SAP130: variants seen among roughly 807,000 people sequenced by gnomAD.
The protein encoded by SAP130 is histone deacetylase complex subunit SAP130.
A neutral mutation model predicts 103.2 loss-of-function variants in SAP130; 16 were observed. The ratio of observed to expected loss-of-function variants is 0.16; its 90% CI spans 0.10 to 0.24. The LOEUF (loss-of-function observed/expected upper bound fraction) is 0.24. Ranked by LOEUF, SAP130 falls within the 10% of genes least tolerant of loss-of-function variation. The pLI, the probability that SAP130 is intolerant of heterozygous loss-of-function variation, is 1.00. For synonymous variants in SAP130, 477 were observed against 497.0 expected, an observed-to-expected ratio of 0.96 and a Z score of 0.53; for missense variants, 990 against 1,359.7, an observed-to-expected ratio of 0.73 and a Z score of 4.28.
At chr2:127,947,765 T>TGTGTGTGTGAGTGTGA (rs1491129151) in intron 18 of SAP130, among the ~76,000 whole-genome samples, 6 of 5,168 alleles carry the variant, frequency 1.2e-3, no homozygotes, top group South Asian at 9.6e-3. Flanking sequence ...TGTGTGTGTC[T>TGTGTGTGTGAGTGTGA]GTGTGTGTGT....
chr2:127,995,924 A>C (rs1407967764), intron 11 of SAP130, among the ~76,000 whole-genome samples: 2 of 151,976 alleles, frequency 1.3e-5, no homozygotes, highest in African/African-American at 4.8e-5. Flanking sequence ...AAATTCCCTA[A>C]AACAACTGGC....
intron 4 of SAP130, among the ~76,000 whole-genome samples, chr2:128,015,566 T>C (rs1205053338): frequency 1.3e-5 from 2 of 152,192 alleles, no homozygotes; most frequent in East Asian, 3.8e-4. Flanking sequence ...AAATGTAAAA[T>C]ATTTAATTAA....
At chr2:128,012,588 A>G (rs1197828055) in intron 6 of SAP130, among the ~76,000 whole-genome samples, 1 of 152,180 alleles carries the variant, frequency 6.6e-6, no homozygotes, top group Non-Finnish European at 1.5e-5. Context: ...CAAATATATT[A>G]TACTTCAGTA....
intron 7 of SAP130, among the ~76,000 whole-genome samples, chr2:128,007,755 T>C (rs954157538): frequency 6.6e-5 from 10 of 152,210 alleles, no homozygotes; most frequent in Non-Finnish European, 1.0e-4. Context: ...CATTTAAACA[T>C]AATTTTCTTC....
rs945307988 is a variant in SAP130 at position 127,941,807 on chromosome 2, G to C, written c.*199C>G. 5.3e-6 allele frequency: 3 copies of C among 568,810 alleles called. No homozygotes were observed. Among genetic ancestry groups the C allele is most frequent in the South Asian group, 2.4e-5 (1 of 42,316 alleles). 35.2% of individuals were successfully genotyped at this position (568,810 alleles called of 1,614,324 possible). A position where few individuals can be genotyped will look rare whatever the true frequency, so the allele number is the denominator to read the frequency against. ...AGGTTTAACAGGGGTGCACCCGAAC[G>C]CAAGAAGGCAGCTCACTATGTCCAG... On this transcript the variant is annotated 3_prime_UTR_variant, in exon 21 of 21. Transcript: ENST00000643581.
At chr2:128,025,603 T>C (rs1399756858) in intron 2 of SAP130, among the ~76,000 whole-genome samples, 1 of 152,226 alleles carries the variant, frequency 6.6e-6, no homozygotes, top group Non-Finnish European at 1.5e-5. Flanking sequence ...CAATACAGTA[T>C]AACAACTATT....
rs781129864 is a variant in SAP130, at chr2:128,000,379, G to A, written c.945C>T (p.Val315=). 3 of 1,614,036 alleles carry A rather than the reference G, an allele frequency of 1.9e-6. No homozygotes were observed. The highest frequency in any genetic ancestry group is 2.7e-5 in the African/African-American group (2 of 74,942). ...GAGATGGTAGTGTGATTCTTGTTGT[G>A]ACATCTCGTGACTGGGCAGGACGCT... The part of the protein sequence containing the change: ...SIQRPAQSRD[V]TTRITLPSHP... The change falls in exon 8 of 21, where the codon GTC becomes GTT. Residue 315 remains valine (V), a synonymous_variant. Transcript: ENST00000643581.
chr2:127,982,981 T>A (rs1166419626), intron 14 of SAP130, among the ~76,000 whole-genome samples: 1 of 152,108 alleles, frequency 6.6e-6, no homozygotes, highest in Non-Finnish European at 1.5e-5. Flanking sequence ...CTCACTGAGC[T>A]TATGTGCTAA....
chr2:127,989,955 T>G lies in SAP130; in HGVS notation c.1478-89A>C. 8.4e-7 allele frequency: 1 copy of G among 1,192,470 alleles called. No homozygotes were observed. The highest frequency in any genetic ancestry group is 1.2e-6 in the Non-Finnish European group (1 of 850,392). The allele number at this position is 1,192,470 out of a possible 1,614,324, so 73.9% of individuals were successfully genotyped here. ...AGAGAAACACTAAAAACGGATTTCC[T>G]CCACTGTATAAGATCTAAATCCATG... is the stretch of plus-strand genomic sequence containing the variant. On this transcript the variant is annotated intron_variant, in intron 12 of 20. Coordinates refer to ENST00000643581, the MANE Select transcript of SAP130 (RefSeq NM_001330301.2). This position sits in a 1 kb window ranked among gnomAD's most constrained non-coding sequence, Gnocchi z 4.6.
chr2:128,001,463 T>C (rs1468898171), intron 7 of SAP130, among the ~76,000 whole-genome samples: 1 of 152,220 alleles, frequency 6.6e-6, no homozygotes, highest in Non-Finnish European at 1.5e-5. Flanking sequence ...AAAAGAACTG[T>C]GAAGTTAGTT....
chr2:128,012,969 A>G (rs1468621087), intron 6 of SAP130, 61 bp downstream of exon 6: 1 of 1,500,564 alleles, frequency 6.7e-7, no homozygotes, highest in Non-Finnish European at 9.0e-7. Context: ...GGATGTGCCT[A>G]GTGCCTGGCA....
Position 127,994,866 on chromosome 2 carries a change from TA to T in SAP130, c.1355+1483del, listed in dbSNP as rs371041577. On this transcript the variant is annotated intron_variant, in intron 11 of 20. Transcript: ENST00000643581. ...CATGTACATAGGAAATTCATAAATCTATAAACATTTAGAGCTAATTTACAGA... is the reference window on the plus strand; with the variant it reads ...CATGTACATAGGAAATTCATAAATCTTAAACATTTAGAGCTAATTTACAGA... Among the ~76,000 whole-genome samples the T allele has an allele frequency of 3.3e-4, 51 of 152,344 alleles. 1 individual carries two copies. The South Asian group carries it at 6.4e-3, about 19-fold the overall frequency.
intron 7 of SAP130, among the ~76,000 whole-genome samples, chr2:128,005,569 C>T (rs1031259389): frequency 1.6e-4 from 25 of 151,638 alleles, no homozygotes; most frequent in African/African-American, 5.1e-4. Flanking sequence ...GAGCTGAGAC[C>T]GCGCCACTGA....
chr2:127,962,583 A>G (rs1214635630), intron 15 of SAP130, among the ~76,000 whole-genome samples: 1 of 152,178 alleles, frequency 6.6e-6, no homozygotes, highest in Non-Finnish European at 1.5e-5. Flanking sequence ...TTGTAGGGAC[A>G]TGGATGAAAC....
chr2:127,970,921 G>C (rs973816172), intron 15 of SAP130, among the ~76,000 whole-genome samples: 1 of 151,792 alleles, frequency 6.6e-6, no homozygotes, highest in African/African-American at 2.4e-5. Flanking sequence ...CTTCTATCAC[G>C]ATATGCTCTG....
intron 15 of SAP130, among the ~76,000 whole-genome samples, chr2:127,975,940 G>T (rs919290597): frequency 6.6e-6 from 1 of 152,262 alleles, no homozygotes; most frequent in South Asian, 2.1e-4. Flanking sequence ...CGCCTCCTGG[G>T]TTCACGCCAT....
chr2:127,981,123 G>A (rs1159302841), intron 14 of SAP130, among the ~76,000 whole-genome samples: 1 of 151,824 alleles, frequency 6.6e-6, no homozygotes, highest in Non-Finnish European at 1.5e-5. Flanking sequence ...TCTCCTCACA[G>A]CTACCCGAGG....
chr2:128,019,790 G>A (rs1248826923), intron 2 of SAP130, among the ~76,000 whole-genome samples: 1 of 151,996 alleles, frequency 6.6e-6, no homozygotes, highest in Non-Finnish European at 1.5e-5. Context: ...AGGAGGCTGA[G>A]GCCAGAGAAT....
chr2:127,972,817 C>T (rs1477850933), intron 15 of SAP130, among the ~76,000 whole-genome samples: 1 of 151,946 alleles, frequency 6.6e-6, no homozygotes, highest in East Asian at 1.9e-4. Context: ...ACCTGCAGTC[C>T]CAGCTACTCA....
Sources: allele counts gnomAD v4.1 joint callset (sites outside exome capture counted in the v4.1 genomes callset), GRCh38; gene constraint gnomAD v4.1.1; non-coding constraint Gnocchi (gnomAD v3.1); transcripts MANE v1.5; gene names NCBI Gene and HGNC (gene_info 2026-07-23, HGNC 2026-07-21).